The following KDM4B variants were observed in gnomAD, a reference collection of about 807,000 sequenced individuals.
KDM4B encodes the protein lysine demethylase 4B.
In KDM4B, 32 loss-of-function variants were observed where a neutral mutation model predicts 125.2. The ratio of observed to expected loss-of-function variants is 0.26; its 90% CI spans 0.19 to 0.34. KDM4B has a LOEUF of 0.34. KDM4B is among the 10% of genes least tolerant of loss of function. KDM4B has a pLI of 1.00. For missense variants in KDM4B, 1,190 were observed against 1,577.7 expected (o/e 0.75, Z 4.16); for synonymous variants, 721 against 677.9 (o/e 1.06, Z -0.99).
At chr19:5,045,970 T>C (rs909300019) in intron 5 of KDM4B, among the ~76,000 whole-genome samples, 1 of 152,252 alleles carries the variant, frequency 6.6e-6, no homozygotes, top group African/African-American at 2.4e-5. Flanking sequence ...GAGAGTTTGC[T>C]GTGTATTTTG....
chr19:4,971,992 C>T lies in KDM4B; in HGVS notation c.-109+2762C>T, dbSNP rs942820351. ...AGGCCTGCACTGGTCACCGCCATGA[C>T]AGATCGGCCGTCCTCATCCACAGCC... On this transcript the variant is annotated intron_variant, in intron 1 of 22. Coordinates refer to ENST00000159111, the MANE Select transcript of KDM4B (RefSeq NM_015015.3). The surrounding 1 kb of genome is among the most constrained non-coding windows in gnomAD (Gnocchi z 4.1). Among the ~76,000 whole-genome samples, 1 of 152,182 alleles carries T rather than the reference C, an allele frequency of 6.6e-6. No individual in the cohort carries two copies. Among genetic ancestry groups the T allele is most frequent in the Non-Finnish European group, 1.5e-5 (1 of 68,026 alleles).
intron 9 of KDM4B, among the ~76,000 whole-genome samples, chr19:5,109,751 G>A (rs564528539): frequency 9.8e-5 from 15 of 152,290 alleles, no homozygotes; most frequent in Admixed American, 5.2e-4. Flanking sequence ...CAGGTGAGGC[G>A]TGCGGGAGCC....
intron 1 of KDM4B, among the ~76,000 whole-genome samples, chr19:4,970,476 C>G (rs1403075552): frequency 6.6e-6 from 1 of 152,082 alleles, no homozygotes; most frequent in Non-Finnish European, 1.5e-5. Context: ...GTCTTGGGAT[C>G]TCTGGATACT....
chr19:5,093,891 C>T lies in KDM4B; in HGVS notation c.918+11387C>T, dbSNP rs777960281. Among the ~76,000 whole-genome samples the T allele has an allele frequency of 6.2e-4, 95 of 152,334 alleles. 1 individual carries two copies. Among genetic ancestry groups the T allele is most frequent in the Non-Finnish European group, 3.1e-4 (21 of 68,024 alleles). On this transcript the variant is annotated intron_variant, in intron 9 of 22. Coordinates refer to ENST00000159111, the MANE Select transcript of KDM4B (RefSeq NM_015015.3). ...TCCTAGAGAGGGTGCAGGGACGCTG[C>T]AGCTGCGGCCTGGTGTGTCTGCCAC... is the stretch of plus-strand genomic sequence containing the variant.
chr19:5,003,860 C>T (rs1346029791), intron 1 of KDM4B, among the ~76,000 whole-genome samples: 1 of 152,122 alleles, frequency 6.6e-6, no homozygotes, highest in East Asian at 1.9e-4. Context: ...CCTCTGTCCC[C>T]CACACAGTCT....
intron 6 of KDM4B, among the ~76,000 whole-genome samples, chr19:5,053,460 A>T (rs2037296183): frequency 6.6e-6 from 1 of 152,238 alleles, no homozygotes; most frequent in Admixed American, 6.5e-5. Context: ...AGATCAGACC[A>T]GTAGGGAGGC....
rs963385615 is a variant in KDM4B, at chr19:5,082,341, C to T, written c.781-26C>T. The stretch of plus-strand genomic sequence containing the variant: ...CTGGTGCGCCTCTGGTGGCCCTGCC[C>T]TCACCTGTCTCCTTTCCCTCTGCAG... On this transcript the variant is annotated intron_variant, in intron 8 of 22. Transcript: ENST00000159111. This position sits in a 1 kb window ranked among gnomAD's most constrained non-coding sequence, Gnocchi z 5.4. 1.2e-6 allele frequency: 2 copies of T among 1,612,936 alleles called. No homozygotes were observed. The highest frequency in any genetic ancestry group is 3.3e-5 in the Admixed American group (2 of 59,972).
intron 1 of KDM4B, among the ~76,000 whole-genome samples, chr19:4,987,225 TAAAG>T (rs1169204193): frequency 6.6e-6 from 1 of 152,184 alleles, no homozygotes; most frequent in Non-Finnish European, 1.5e-5. Flanking sequence ...TTGTAAGAGT[TAAAG>T]AAAGAGGAAA....
chr19:4,971,644 G>A lies in KDM4B; in HGVS notation c.-109+2414G>A, dbSNP rs2034262292. On this transcript the variant is annotated intron_variant, in intron 1 of 22. Coordinates refer to ENST00000159111, the MANE Select transcript of KDM4B (RefSeq NM_015015.3). This position sits in a 1 kb window ranked among gnomAD's most constrained non-coding sequence, Gnocchi z 4.1. ...GGAGTCCCTGGCTCCTGTGGGTTTAGAGTGTAGTGGGGGAAAGGGTGAGCT... is the reference window on the plus strand; with the variant it reads ...GGAGTCCCTGGCTCCTGTGGGTTTAAAGTGTAGTGGGGGAAAGGGTGAGCT... Among the ~76,000 whole-genome samples, 1 of 152,204 alleles carries A rather than the reference G, an allele frequency of 6.6e-6. No homozygotes were observed. The highest frequency in any genetic ancestry group is 1.5e-5 in the Non-Finnish European group (1 of 68,046).
intron 9 of KDM4B, among the ~76,000 whole-genome samples, chr19:5,108,872 G>T (rs971738891): frequency 6.6e-6 from 1 of 152,188 alleles, no homozygotes; most frequent in African/African-American, 2.4e-5. Context: ...CCCAGCAGGA[G>T]ATGAGGTCTG....
rs536021031 is a variant in KDM4B, at chr19:5,048,605, G to A, written c.626+936G>A. ...GGTTGGAGTTGTAAGCGGGGAGAGG[G>A]GGGGGCGGGGGAGAATGCTGTACCT... is the stretch of plus-strand genomic sequence containing the variant. On this transcript the variant is annotated intron_variant, in intron 6 of 22. Coordinates refer to ENST00000159111, the MANE Select transcript of KDM4B (RefSeq NM_015015.3). 4.0e-4 allele frequency among the ~76,000 whole-genome samples: 61 copies of A among 152,226 alleles called. 1 individual carries two copies. Among genetic ancestry groups the A allele is most frequent in the African/African-American group, 1.4e-3 (57 of 41,544 alleles).
intron 3 of KDM4B, 132 bp from the exon 4 acceptor site, chr19:5,039,704 G>C (rs911266005): frequency 1.4e-5 from 13 of 962,546 alleles, no homozygotes; most frequent in Admixed American, 2.7e-5. Flanking sequence ...GGGGTTCCTC[G>C]TGCCCCTGGG....
In KDM4B at chr19:5,110,583, G is replaced by A. The variant is rs773736321; in HGVS notation, c.919-39G>A. ...TGGGGTGTGTGGAGCCAGCCGTCCA[G>A]GTGTGGCGCGAGGGCTCAGACCGTG... is the stretch of plus-strand genomic sequence containing the variant. On this transcript the variant is annotated intron_variant, in intron 9 of 22. Transcript: ENST00000159111. 1.9e-6 allele frequency: 3 copies of A among 1,608,284 alleles called. No homozygotes were observed. In the Admixed American group the frequency reaches 5.0e-5, roughly 27 times the overall value.
At chr19:5,002,125 G>A (rs1008246528) in intron 1 of KDM4B, among the ~76,000 whole-genome samples, 10 of 152,086 alleles carry the variant, frequency 6.6e-5, no homozygotes, top group Non-Finnish European at 1.5e-5. Flanking sequence ...AGCCTCCTGA[G>A]TAGCTGGGAT....
intron 6 of KDM4B, among the ~76,000 whole-genome samples, chr19:5,058,369 GC>G (rs1193067944): frequency 6.6e-6 from 1 of 152,220 alleles, no homozygotes; most frequent in African/African-American, 2.4e-5. Context: ...AGGCCCGGGA[GC>G]CCTTGGGATG....
intron 1 of KDM4B, among the ~76,000 whole-genome samples, chr19:4,980,706 G>A (rs2034607766): frequency 6.6e-6 from 1 of 152,144 alleles, no homozygotes; most frequent in Admixed American, 6.5e-5. Context: ...GGGATGACAG[G>A]CGTGAGCCAC....
chr19:5,135,603 C>T (rs1378112768), intron 15 of KDM4B, 42 bp downstream of exon 15: 11 of 1,503,252 alleles, frequency 7.3e-6, no homozygotes, highest in Admixed American at 2.0e-5. Context: ...CGCCCTCCTT[C>T]AGGGTGTTGG....
At chr19:5,090,657 T>TC (rs1178961609) in intron 9 of KDM4B, among the ~76,000 whole-genome samples, 4 of 101,200 alleles carry the variant, frequency 4.0e-5, no homozygotes, top group Non-Finnish European at 7.8e-5. Context: ...GGCCCCCCCT[T>TC]CCCCCCACCG....
At chr19:5,136,550 A>C (rs911632753) in intron 15 of KDM4B, among the ~76,000 whole-genome samples, 2 of 152,152 alleles carry the variant, frequency 1.3e-5, no homozygotes, top group Non-Finnish European at 2.9e-5. Context: ...CCCCCGGGGC[A>C]GATGGGCTCC....
Sources: gnomAD v4.1 joint callset for allele counts (sites outside exome capture counted in the v4.1 genomes callset) on GRCh38, gnomAD v4.1.1 for gene constraint, Gnocchi (gnomAD v3.1) non-coding constraint, MANE v1.5 for transcripts, NCBI Gene and HGNC (gene_info 2026-07-23, HGNC 2026-07-21) for gene names.